Variants in HHLA1 observed in about 807,000 individuals in gnomAD.
HHLA1 encodes HERV-H LTR-associating protein 1.
In HHLA1, 72 loss-of-function variants were observed where a neutral mutation model predicts 69.9. The observed-to-expected ratio is 1.03, with a 90% CI of 0.85 to 1.25. The LOEUF (loss-of-function observed/expected upper bound fraction) is 1.25. Ranked by LOEUF, HHLA1 falls within the 50% of genes most tolerant of loss-of-function variation. HHLA1 has a pLI of 0.00. For missense variants in HHLA1, 685 were observed against 642.2 expected (o/e 1.07, Z -0.72); for synonymous variants, 252 against 233.2 (o/e 1.08, Z -0.73).
rs376039258 is a variant in HHLA1, at chr8:132,065,197, C to T, written c.1552+689G>A. Among the ~76,000 whole-genome samples, 9 of 152,248 alleles carry T rather than the reference C, an allele frequency of 5.9e-5. No individual in the cohort carries two copies. The East Asian group carries it at 1.3e-3, about 23-fold the overall frequency. ...GCTACCAGGACAAGGAGAGAGGTAC[C>T]ATAATGAAACATAAATTCTAGTACT... On this transcript the variant is annotated intron_variant, in intron 16 of 16. Coordinates refer to ENST00000414222, the MANE Select transcript of HHLA1 (RefSeq NM_001145095.3).
intron 14 of HHLA1, among the ~76,000 whole-genome samples, chr8:132,075,687 T>G (rs377526195): frequency 6.6e-6 from 1 of 152,238 alleles, no homozygotes; most frequent in Admixed American, 6.5e-5. Context: ...ATTTGCAAAG[T>G]GCCCAGCATG....
chr8:132,063,869 A>T lies in HHLA1; in HGVS notation c.*126T>A. 2 of 337,194 alleles carry T rather than the reference A, an allele frequency of 5.9e-6. No individual in the cohort carries two copies. The highest frequency in any genetic ancestry group is 5.4e-6 in the Non-Finnish European group (1 of 183,530). 20.9% of individuals were successfully genotyped at this position (337,194 alleles called of 1,614,324 possible). A position where few individuals can be genotyped will look rare whatever the true frequency, so the allele number is the denominator to read the frequency against. ...TGCTACTTCCAAGAATAACCACTTTAAATTAACTGATGATCTAGCTGGAGC... is the reference window on the plus strand; with the variant it reads ...TGCTACTTCCAAGAATAACCACTTTTAATTAACTGATGATCTAGCTGGAGC... On this transcript the variant is annotated 3_prime_UTR_variant, in exon 17 of 17. Transcript: ENST00000414222.
chr8:132,083,045 C>T (rs2130886187), intron 10 of HHLA1, among the ~76,000 whole-genome samples: 1 of 151,022 alleles, frequency 6.6e-6, no homozygotes, highest in East Asian at 1.9e-4. Context: ...TGATTGGTCG[C>T]CAAGGAGGGA....
intron 4 of HHLA1, 28 bp downstream of exon 4, chr8:132,100,047 C>A (rs1463853619): frequency 6.5e-7 from 1 of 1,543,826 alleles, no homozygotes; most frequent in African/African-American, 1.4e-5. Context: ...CCCAGACAAC[C>A]CAAGGGATTT....
chr8:132,072,905 TA>T (rs528446445), intron 14 of HHLA1, among the ~76,000 whole-genome samples: 432 of 142,194 alleles, frequency 3.0e-3, no homozygotes, highest in Admixed American at 3.4e-3. Context: ...TTTTGTCCAG[TA>T]AAAAAAAAAA....
intron 15 of HHLA1, chr8:132,070,057 G>A: frequency 5.7e-6 from 1 of 176,378 alleles, no homozygotes; most frequent in Non-Finnish European, 1.2e-5. Flanking sequence ...GGAAAGGGGT[G>A]ATGGAAAATG....
At chr8:132,100,780 G>A (rs1824099552) in intron 3 of HHLA1, among the ~76,000 whole-genome samples, 2 of 152,142 alleles carry the variant, frequency 1.3e-5, no homozygotes, top group Admixed American at 6.5e-5. Context: ...GTGTCAACAC[G>A]GTGTGGGAGC....
At chr8:132,080,831 C>T (rs1160583647) in intron 10 of HHLA1, 1 of 152,026 alleles carries the variant, frequency 6.6e-6, no homozygotes, top group Non-Finnish European at 1.5e-5. Flanking sequence ...GCGTGGGAAC[C>T]TAGAGTGGGA....
At chr8:132,101,325 A>T (rs150620389) in intron 3 of HHLA1, 1 of 1,531,624 alleles carries the variant, frequency 6.5e-7, no homozygotes, top group Non-Finnish European at 8.8e-7. Context: ...TACAGCCTCA[A>T]ACAGTTCATA....
chr8:132,098,085 T>C (rs924599214), intron 5 of HHLA1, among the ~76,000 whole-genome samples: 3 of 152,230 alleles, frequency 2.0e-5, no homozygotes, highest in Admixed American at 2.0e-4. Context: ...TGCCTTATCC[T>C]CCAATATTTG....
At chr8:132,076,431 C>CCCCCCCCCCCA in intron 13 of HHLA1, 44 bp downstream of exon 13, 1 of 824,566 alleles carries the variant, frequency 1.2e-6, no homozygotes, top group Non-Finnish European at 1.9e-6. Flanking sequence ...CCACCCCTCC[C>CCCCCCCCCCCA]ATCCCCCACC....
In HHLA1 at chr8:132,064,142, C is replaced by T. The variant is rs150508403; in HGVS notation, c.1553-104G>A. The T allele has an allele frequency of 6.0e-4, 366 of 611,140 alleles. 6 individuals are homozygous for T. Among genetic ancestry groups the T allele is most frequent in the South Asian group, 5.6e-3 (281 of 49,970 alleles). 37.9% of individuals were successfully genotyped at this position (611,140 alleles called of 1,614,324 possible). A position where few individuals can be genotyped will look rare whatever the true frequency, so the allele number is the denominator to read the frequency against. ...TCGCCAACAAGGGTCTAGCCTCTTCCGGAGAGCAAGTGTGGGGCAGTGCAC... is the reference window on the plus strand; with the variant it reads ...TCGCCAACAAGGGTCTAGCCTCTTCTGGAGAGCAAGTGTGGGGCAGTGCAC... On this transcript the variant is annotated intron_variant, in intron 16 of 16. Transcript: ENST00000414222.
chr8:132,100,172 G>A (rs1348348688), intron 3 of HHLA1, 38 bp from the exon 4 acceptor site: 9 of 1,437,600 alleles, frequency 6.3e-6, no homozygotes, highest in Non-Finnish European at 8.6e-6. Flanking sequence ...AAATGTGAGT[G>A]GTCCAGTTCC....
At chr8:132,078,354 G>T (rs369675081) in intron 11 of HHLA1, among the ~76,000 whole-genome samples, 4 of 152,140 alleles carry the variant, frequency 2.6e-5, no homozygotes, top group Non-Finnish European at 4.4e-5. Context: ...CAGATTAGTT[G>T]TGCCTCTGTC....
chr8:132,074,566 G>A (rs764440425), intron 14 of HHLA1, among the ~76,000 whole-genome samples: 1 of 152,104 alleles, frequency 6.6e-6, no homozygotes, highest in Non-Finnish European at 1.5e-5. Flanking sequence ...TTTATTAAAT[G>A]GATGAATGAG....
chr8:132,070,682 CCAACT>C (rs1277834743), intron 15 of HHLA1, among the ~76,000 whole-genome samples: 3 of 148,776 alleles, frequency 2.0e-5, no homozygotes, highest in Admixed American at 6.7e-5. Context: ...TAAACTCATC[CCAACT>C]CAACTCAACT....
chr8:132,084,108 T>C (rs534882556), intron 10 of HHLA1, among the ~76,000 whole-genome samples: 1 of 152,310 alleles, frequency 6.6e-6, no homozygotes, highest in East Asian at 1.9e-4. Flanking sequence ...AGCATTAACC[T>C]TGACTATGCC....
chr8:132,104,002 T>C, intron 3 of HHLA1, 106 bp downstream of exon 3: 2 of 740,510 alleles, frequency 2.7e-6, no homozygotes, highest in South Asian at 3.1e-5. Flanking sequence ...GAGTGTTAGA[T>C]GCGGATATAA....
chr8:132,083,696 A>G (rs1310087217), intron 10 of HHLA1, among the ~76,000 whole-genome samples: 2 of 151,944 alleles, frequency 1.3e-5, no homozygotes, highest in Admixed American at 6.6e-5. Flanking sequence ...TTTCCAGCAC[A>G]TGTAGCAAGC....
Sources: allele counts gnomAD v4.1 joint callset (sites outside exome capture counted in the v4.1 genomes callset), GRCh38; gene constraint gnomAD v4.1.1; transcripts MANE v1.5; gene names NCBI Gene and HGNC (gene_info 2026-07-23, HGNC 2026-07-21).